The following CCSER1 variants were observed in gnomAD, a reference collection of about 807,000 sequenced individuals.
CCSER1 encodes the protein coiled-coil serine rich protein 1.
In CCSER1, 41 loss-of-function variants were observed where a neutral mutation model predicts 82.0. The ratio of observed to expected loss-of-function variants is 0.50; its 90% CI spans 0.39 to 0.65. CCSER1 has a LOEUF of 0.65. CCSER1 is among the 30% of genes least tolerant of loss of function. The pLI is 0.00. For synonymous variants in CCSER1, 414 were observed against 383.9 expected (o/e 1.08, Z -0.92); for missense variants, 1,119 against 1,064.2 (o/e 1.05, Z -0.72).
chr4:91,496,616 A>ATT (rs1279142591), intron 10 of CCSER1, among the ~76,000 whole-genome samples: 217 of 21,018 alleles, frequency 0.01, 84 homozygotes, highest in Non-Finnish European at 0.015. Flanking sequence ...ATATATATAC[A>ATT]CGAATATATA....
At chr4:90,284,336 A>T (rs754087753) in intron 1 of CCSER1, among the ~76,000 whole-genome samples, 1 of 151,826 alleles carries the variant, frequency 6.6e-6, no homozygotes, top group Non-Finnish European at 1.5e-5. Flanking sequence ...AGTTGACGTG[A>T]TATCTTTTGT....
intron 10 of CCSER1, among the ~76,000 whole-genome samples, chr4:91,136,884 G>C (rs995243613): frequency 1.3e-5 from 2 of 152,046 alleles, no homozygotes; most frequent in Non-Finnish European, 2.9e-5. Flanking sequence ...ACACACATTT[G>C]TGCTGAAATA....
intron 10 of CCSER1, among the ~76,000 whole-genome samples, chr4:91,432,168 C>T (rs1017145732): frequency 4.3e-4 from 66 of 152,256 alleles, no homozygotes; most frequent in African/African-American, 1.6e-3. Context: ...TCTTTGCCTT[C>T]CTCTGTGATT....
At chr4:91,513,975 A>G (rs1759965235) in intron 10 of CCSER1, among the ~76,000 whole-genome samples, 1 of 151,462 alleles carries the variant, frequency 6.6e-6, no homozygotes. Flanking sequence ...CTCTGATTTC[A>G]GTTATTTATT....
chr4:90,366,926 A>G, intron 3 of CCSER1, among the ~76,000 whole-genome samples: 1 of 151,948 alleles, frequency 6.6e-6, no homozygotes, highest in Admixed American at 6.6e-5. Context: ...AACTTAACAA[A>G]ATCAAAACAA....
At chr4:90,710,889 A>T (rs1240358355) in intron 6 of CCSER1, among the ~76,000 whole-genome samples, 2 of 151,950 alleles carry the variant, frequency 1.3e-5, no homozygotes, top group East Asian at 3.8e-4. Context: ...GTTTAATGGG[A>T]ATAGCATTGA....
At chr4:90,597,262 T>A (rs111425593) in intron 5 of CCSER1, among the ~76,000 whole-genome samples, 35 of 152,168 alleles carry the variant, frequency 2.3e-4, no homozygotes, top group South Asian at 1.4e-3. Flanking sequence ...TTCTGCTTAA[T>A]TCATGCCTCT....
At chr4:90,982,288 G>T (rs1009877126) in intron 9 of CCSER1, among the ~76,000 whole-genome samples, 25 of 151,706 alleles carry the variant, frequency 1.6e-4, no homozygotes, top group African/African-American at 4.3e-4. Flanking sequence ...TCTTTGAATG[G>T]CAGTAATTTC....
intron 5 of CCSER1, among the ~76,000 whole-genome samples, chr4:90,524,060 A>G (rs1189802898): frequency 6.6e-6 from 1 of 152,160 alleles, no homozygotes; most frequent in African/African-American, 2.4e-5. Context: ...ACCAAGTGAA[A>G]AAAAACATAT....
chr4:90,918,492 G>A lies in CCSER1; in HGVS notation c.2095-4878G>A, dbSNP rs557729564. ...AAGCCAGTTGTACTGGCTTTGCCAT[G>A]GCTTTGTCTTGGTTTTGATTTCTAC... On this transcript the variant is annotated intron_variant, in intron 8 of 10. Coordinates refer to ENST00000509176, the MANE Select transcript of CCSER1 (RefSeq NM_001145065.2). Among the ~76,000 whole-genome samples the A allele has an allele frequency of 4.6e-5, 7 of 151,982 alleles. No individual in the cohort carries two copies. The East Asian group carries it at 1.4e-3, about 29-fold the overall frequency.
At chr4:90,755,142 T>C (rs1749292223) in intron 7 of CCSER1, among the ~76,000 whole-genome samples, 1 of 152,188 alleles carries the variant, frequency 6.6e-6, no homozygotes, top group South Asian at 2.1e-4. Flanking sequence ...CTGGCCAAAC[T>C]TCACTGCAAA....
At chr4:91,094,385 G>C (rs1420366661) in intron 10 of CCSER1, among the ~76,000 whole-genome samples, 1 of 152,188 alleles carries the variant, frequency 6.6e-6, no homozygotes, top group Non-Finnish European at 1.5e-5. Context: ...GTCCAGACAA[G>C]TGAACCAGCT....
At chr4:90,297,569 G>T (rs1732206810) in intron 1 of CCSER1, among the ~76,000 whole-genome samples, 1 of 147,756 alleles carries the variant, frequency 6.8e-6, no homozygotes, top group Admixed American at 6.7e-5. Flanking sequence ...CCTGTCTTGT[G>T]CCAGTTTTCA....
intron 9 of CCSER1, among the ~76,000 whole-genome samples, chr4:91,059,307 CGTGTATATATATAT>C (rs1174262086): frequency 2.5e-5 from 2 of 79,256 alleles, no homozygotes; most frequent in Non-Finnish European, 5.8e-5. Flanking sequence ...TATATATATA[CGTGTATATATATAT>C]ACATATAGTG....
chr4:91,024,309 A>G (rs1006710317), intron 9 of CCSER1, among the ~76,000 whole-genome samples: 4 of 152,180 alleles, frequency 2.6e-5, no homozygotes, highest in African/African-American at 7.2e-5. Context: ...AAATCCTTTT[A>G]TGTCTGTTGA....
At chr4:91,309,865 C>T (rs1166446525) in intron 10 of CCSER1, among the ~76,000 whole-genome samples, 2 of 151,856 alleles carry the variant, frequency 1.3e-5, no homozygotes, top group African/African-American at 4.8e-5. Context: ...TAACAGAGGG[C>T]CACAAACTGG....
At chr4:90,133,793 C>T (rs1326239129) in intron 1 of CCSER1, among the ~76,000 whole-genome samples, 1 of 152,100 alleles carries the variant, frequency 6.6e-6, no homozygotes, top group Non-Finnish European at 1.5e-5. Context: ...TTAAATTTTA[C>T]CTGTTTTGTA....
intron 10 of CCSER1, among the ~76,000 whole-genome samples, chr4:91,236,892 C>T (rs1739050923): frequency 6.6e-6 from 1 of 152,054 alleles, no homozygotes; most frequent in Non-Finnish European, 1.5e-5. Flanking sequence ...AGTGAATACT[C>T]CAGATAATCA....
At chr4:90,512,054 A>T (rs1160998060) in intron 5 of CCSER1, among the ~76,000 whole-genome samples, 1 of 152,154 alleles carries the variant, frequency 6.6e-6, no homozygotes, top group East Asian at 1.9e-4. Flanking sequence ...GTGGTCCAGG[A>T]CAAGGTCGGC....
Sources: allele counts gnomAD v4.1 joint callset (sites outside exome capture counted in the v4.1 genomes callset), GRCh38; gene constraint gnomAD v4.1.1; transcripts MANE v1.5; gene names NCBI Gene and HGNC (gene_info 2026-07-23, HGNC 2026-07-21).